Variants in TASP1 observed in about 807,000 individuals in gnomAD.
TASP1 encodes the protein threonine aspartase 1.
A neutral mutation model predicts 56.6 loss-of-function variants in TASP1; 16 were observed. The observed-to-expected ratio is 0.28, with a 90% CI of 0.19 to 0.43. The LOEUF (loss-of-function observed/expected upper bound fraction) is 0.43. TASP1 is among the 20% of genes least tolerant of loss of function. The pLI is 1.00. For missense variants in TASP1, 393 were observed against 511.6 expected, an observed-to-expected ratio of 0.77 and a Z score of 2.24; for synonymous variants, 179 against 184.2, an observed-to-expected ratio of 0.97 and a Z score of 0.23.
the TASP1 span, chr20:13,244,456 C>T: frequency 6.6e-6 from 1 of 151,472 alleles, no homozygotes; most frequent in Admixed American, 6.6e-5. Context: ...ATTACATGTC[C>T]TCAAGTCCTA....
the TASP1 span, among the ~76,000 whole-genome samples, chr20:13,358,226 G>C: frequency 1.3e-5 from 2 of 151,956 alleles, no homozygotes; most frequent in African/African-American, 4.8e-5. Flanking sequence ...ATCTCCCTTC[G>C]CTGACTTTCT....
the TASP1 span, among the ~76,000 whole-genome samples, chr20:13,142,538 G>A: frequency 1.3e-5 from 2 of 152,176 alleles, no homozygotes; most frequent in African/African-American, 2.4e-5. Context: ...CCCAGTGTGT[G>A]GGTCTGGGCT....
chr20:13,163,064 G>A, the TASP1 span, among the ~76,000 whole-genome samples: 1 of 151,994 alleles, frequency 6.6e-6, no homozygotes, highest in South Asian at 2.1e-4. Flanking sequence ...AAGTTTAAAA[G>A]GTTGAGATAA....
chr20:13,311,419 C>T, the TASP1 span, among the ~76,000 whole-genome samples: 1 of 152,176 alleles, frequency 6.6e-6, no homozygotes. Flanking sequence ...TGTAATCTAG[C>T]AATCCCACTC....
chr20:13,637,165 C>G (rs1225728912), intron 1 of TASP1, among the ~76,000 whole-genome samples: 1 of 152,120 alleles, frequency 6.6e-6, no homozygotes, highest in Non-Finnish European at 1.5e-5. Flanking sequence ...TATTAGCCAT[C>G]AGGGAAATGC....
At chr20:13,580,639 C>T (rs961303340) in intron 6 of TASP1, among the ~76,000 whole-genome samples, 1 of 152,126 alleles carries the variant, frequency 6.6e-6, no homozygotes, top group Non-Finnish European at 1.5e-5. Context: ...ACTTTAGACT[C>T]TGGACTACAA....
At chr20:13,262,749 C>T in the TASP1 span, among the ~76,000 whole-genome samples, 11,129 of 147,948 alleles carry the variant, frequency 0.075, 545 homozygotes, top group East Asian at 0.18. Context: ...TTTTGTCAGC[C>T]GGCCCCAAGA....
At chr20:13,636,955 G>A (rs775280420) in intron 1 of TASP1, among the ~76,000 whole-genome samples, 4 of 152,134 alleles carry the variant, frequency 2.6e-5, no homozygotes, top group Non-Finnish European at 4.4e-5. Flanking sequence ...AAAGTAAAAG[G>A]ACAACCCATA....
the TASP1 span, among the ~76,000 whole-genome samples, chr20:13,314,820 T>C: frequency 6.6e-6 from 1 of 152,130 alleles, no homozygotes; most frequent in Non-Finnish European, 1.5e-5. Flanking sequence ...CACATATCTA[T>C]ATCTATCTAT....
chr20:13,409,681 G>A (rs977290451), intron 13 of TASP1, among the ~76,000 whole-genome samples: 1 of 151,106 alleles, frequency 6.6e-6, no homozygotes, highest in African/African-American at 2.4e-5. Flanking sequence ...TTTTTCAACT[G>A]ACATACTAAT....
At chr20:13,334,484 A>G in the TASP1 span, among the ~76,000 whole-genome samples, 1 of 152,242 alleles carries the variant, frequency 6.6e-6, no homozygotes, top group Non-Finnish European at 1.5e-5. Context: ...TCTTAACGCT[A>G]TCAAGGTATA....
chr20:13,336,819 A>G, the TASP1 span, among the ~76,000 whole-genome samples: 2 of 152,088 alleles, frequency 1.3e-5, no homozygotes, highest in Non-Finnish European at 2.9e-5. Context: ...TACTCCTAAC[A>G]TTGGTTGATG....
the TASP1 span, among the ~76,000 whole-genome samples, chr20:13,253,066 C>T: frequency 1.3e-5 from 2 of 152,036 alleles, no homozygotes; most frequent in South Asian, 2.1e-4. Context: ...AGACACACAG[C>T]GAGGGAGAAA....
the TASP1 span, chr20:13,279,943 C>A: frequency 6.4e-7 from 1 of 1,570,108 alleles, no homozygotes; most frequent in South Asian, 1.1e-5. Context: ...GAAGAATAAA[C>A]GAGGATGATG....
chr20:13,251,260 C>A, the TASP1 span, among the ~76,000 whole-genome samples: 3 of 152,316 alleles, frequency 2.0e-5, no homozygotes, highest in South Asian at 4.1e-4. Context: ...ATCTCACCCC[C>A]CTTCCACAGG....
At chr20:13,325,960 C>A in the TASP1 span, among the ~76,000 whole-genome samples, 1 of 152,210 alleles carries the variant, frequency 6.6e-6, no homozygotes, top group African/African-American at 2.4e-5. Flanking sequence ...CTTACCACCT[C>A]TTTATAGTCA....
chr20:13,400,979 T>C (rs375696705), intron 13 of TASP1, among the ~76,000 whole-genome samples: 5 of 152,276 alleles, frequency 3.3e-5, no homozygotes, highest in African/African-American at 1.2e-4. Flanking sequence ...TAGACTTGAT[T>C]AGGGTTCAAA....
At chr20:13,486,098 G>T (rs2043310116) in intron 10 of TASP1, among the ~76,000 whole-genome samples, 1 of 152,080 alleles carries the variant, frequency 6.6e-6, no homozygotes, top group South Asian at 2.1e-4. Flanking sequence ...TGAAACCAAA[G>T]CTTATTCTCC....
At chr20:13,240,378 G>A in the TASP1 span, among the ~76,000 whole-genome samples, 1 of 152,194 alleles carries the variant, frequency 6.6e-6, no homozygotes, top group Non-Finnish European at 1.5e-5. Context: ...GGAAGGACTT[G>A]ATGGAAAAGT....
Sources: allele counts gnomAD v4.1 joint callset (sites outside exome capture counted in the v4.1 genomes callset), GRCh38; gene constraint gnomAD v4.1.1; transcripts MANE v1.5; gene names NCBI Gene and HGNC (gene_info 2026-07-23, HGNC 2026-07-21).